Variants in ZNF827 observed in about 807,000 individuals in gnomAD.
ZNF827 encodes the protein zinc finger protein 827.
Under a neutral mutation model 102.4 loss-of-function variants are expected in ZNF827, and 13 were observed. The observed-to-expected ratio is 0.13, with a 90% confidence interval of 0.08 to 0.20. ZNF827 has a LOEUF of 0.20. ZNF827 is among the 10% of genes least tolerant of loss of function. The pLI, the probability that ZNF827 is intolerant of heterozygous loss-of-function variation, is 1.00. For missense variants in ZNF827, 1,103 were observed against 1,344.4 expected, an observed-to-expected ratio of 0.82 and a Z score of 2.81; for synonymous variants, 523 against 536.2, an observed-to-expected ratio of 0.98 and a Z score of 0.34.
At chr4:145,839,960 C>T (rs540474205) in intron 7 of ZNF827, among the ~76,000 whole-genome samples, 1 of 152,184 alleles carries the variant, frequency 6.6e-6, no homozygotes, top group African/African-American at 2.4e-5. Context: ...GGAAGCATAT[C>T]GTTCCAATAT....
intron 2 of ZNF827, among the ~76,000 whole-genome samples, chr4:145,899,960 T>A (rs1051910055): frequency 6.6e-6 from 1 of 152,204 alleles, no homozygotes; most frequent in Non-Finnish European, 1.5e-5. Flanking sequence ...AGAAACGATT[T>A]CTTATAGATC....
intron 5 of ZNF827, among the ~76,000 whole-genome samples, chr4:145,868,042 T>C (rs1314205373): frequency 6.6e-6 from 1 of 152,222 alleles, no homozygotes; most frequent in Non-Finnish European, 1.5e-5. Context: ...AAGAGCACTG[T>C]TCTATCAGTG....
rs976615754 is a variant in ZNF827, at chr4:145,762,774, G to C, written c.*17+316C>G. Among the ~76,000 whole-genome samples the C allele has an allele frequency of 1.3e-5, 2 of 152,246 alleles. No homozygotes were observed. The highest frequency in any genetic ancestry group is 4.8e-5 in the African/African-American group (2 of 41,466). ...TGAGCCTCTCTTTTAGAAGCTGCCA[G>C]GCTGGAGTCAGTGGCTTATATGAGA... is the stretch of plus-strand genomic sequence containing the variant. On this transcript the variant is annotated intron_variant, in intron 14 of 14. Transcript: ENST00000508784. The surrounding 1 kb of genome is among the most constrained non-coding windows in gnomAD (Gnocchi z 4.9).
chr4:145,847,393 C>A (rs972924351), intron 6 of ZNF827, among the ~76,000 whole-genome samples: 2 of 152,114 alleles, frequency 1.3e-5, no homozygotes, highest in African/African-American at 4.8e-5. Context: ...GCAACTGTTC[C>A]GCCTCTGACT....
chr4:145,934,053 G>C (rs1391650904), intron 1 of ZNF827, among the ~76,000 whole-genome samples: 2 of 152,078 alleles, frequency 1.3e-5, no homozygotes, highest in African/African-American at 4.8e-5. Flanking sequence ...TATAGTATTG[G>C]ACCTTGTTAA....
intron 4 of ZNF827, among the ~76,000 whole-genome samples, chr4:145,875,217 G>A (rs1287767269): frequency 6.6e-6 from 1 of 152,128 alleles, no homozygotes; most frequent in African/African-American, 2.4e-5. Flanking sequence ...TAGCTCTTGA[G>A]TAATTACATA....
At chr4:145,811,432 G>C (rs1741997922) in intron 8 of ZNF827, among the ~76,000 whole-genome samples, 1 of 152,196 alleles carries the variant, frequency 6.6e-6, no homozygotes, top group African/African-American at 2.4e-5. Context: ...AGGAAGCTAA[G>C]GACAGAAATG....
intron 4 of ZNF827, among the ~76,000 whole-genome samples, chr4:145,880,585 GAA>G (rs1749576747): frequency 2.0e-5 from 3 of 152,090 alleles, no homozygotes; most frequent in Admixed American, 6.5e-5. Flanking sequence ...TGAAAAATAA[GAA>G]AGAGTCACAC....
intron 2 of ZNF827, among the ~76,000 whole-genome samples, chr4:145,898,903 AC>A (rs2126874249): frequency 6.6e-6 from 1 of 152,342 alleles, no homozygotes; most frequent in South Asian, 2.1e-4. Flanking sequence ...CTTTTCTAGC[AC>A]ATATCTCTTT....
At chr4:145,806,197 G>C (rs1370125908) in intron 8 of ZNF827, among the ~76,000 whole-genome samples, 2 of 146,962 alleles carry the variant, frequency 1.4e-5, no homozygotes, top group Non-Finnish European at 3.0e-5. Context: ...TGTTGCCCAG[G>C]CTGGAGTGCA....
chr4:145,924,897 T>C (rs956987473), intron 1 of ZNF827, among the ~76,000 whole-genome samples: 5 of 152,234 alleles, frequency 3.3e-5, no homozygotes, highest in African/African-American at 1.2e-4. Context: ...TGGTTTATTT[T>C]GCCCTGTTTT....
chr4:145,854,541 T>C (rs1233068153), intron 5 of ZNF827, among the ~76,000 whole-genome samples: 1 of 152,134 alleles, frequency 6.6e-6, no homozygotes, highest in Non-Finnish European at 1.5e-5. Context: ...CTTCTTGCCC[T>C]TGGGTTCTTC....
intron 4 of ZNF827, among the ~76,000 whole-genome samples, chr4:145,877,237 C>T (rs1749222013): frequency 6.6e-6 from 1 of 152,180 alleles, no homozygotes; most frequent in Non-Finnish European, 1.5e-5. Context: ...GCTTAACTCT[C>T]CAGATCACAA....
rs532859222 is a variant in ZNF827 at position 145,902,138 on chromosome 4, A to C, written c.1093+28T>G. 49 of 1,559,046 alleles carry C rather than the reference A, an allele frequency of 3.1e-5. No homozygotes were observed. Among genetic ancestry groups the C allele is most frequent in the Admixed American group, 4.0e-5 (2 of 50,082 alleles). ...GCAGTTTATAGTCTAAAGGACTTAC[A>C]CGATGATTGAAAGAAAAGATGCCAT... is the stretch of plus-strand genomic sequence containing the variant. On this transcript the variant is annotated intron_variant, in intron 2 of 14. Transcript: ENST00000508784. This position sits in a 1 kb window ranked among gnomAD's most constrained non-coding sequence, Gnocchi z 4.3.
Position 145,779,359 on chromosome 4 carries a change from G to GCCCT in ZNF827, c.2521+11_2521+14dup, listed in dbSNP as rs745672014. Reference sequence around the variant, plus strand: ...GGAGCATAGAGGGCTGACAGCCCAGGCCCTACTCACTCACCTGTGTGCAGC... The same window carrying GCCCT: ...GGAGCATAGAGGGCTGACAGCCCAGGCCCTCCCTACTCACTCACCTGTGTGCAGC... On this transcript the variant is annotated intron_variant, in intron 9 of 14. Transcript: ENST00000508784. 15 of 1,613,192 alleles carry GCCCT rather than the reference G, an allele frequency of 9.3e-6. No individual in the cohort carries two copies. In the South Asian group the frequency reaches 1.6e-4, roughly 18 times the overall value.
At chr4:145,830,455 C>G (rs927168498) in intron 7 of ZNF827, 2 of 151,964 alleles carry the variant, frequency 1.3e-5, no homozygotes, top group African/African-American at 4.8e-5. Flanking sequence ...AAGGTCACAA[C>G]TGAAAAACAA....
chr4:145,881,240 A>G (rs1749635260), intron 4 of ZNF827, among the ~76,000 whole-genome samples: 1 of 152,254 alleles, frequency 6.6e-6, no homozygotes, highest in African/African-American at 2.4e-5. Flanking sequence ...GAAACAGTTT[A>G]GCTTATATCC....
rs1476041247 is a variant in ZNF827 at position 145,831,045 on chromosome 4, T to C, written c.2280-7520A>G. Reference sequence around the variant, plus strand: ...AATCTATAATGAAAGAAAACACTTTTAATGGTACGCATGAACATTGCCCTT... The same window carrying C: ...AATCTATAATGAAAGAAAACACTTTCAATGGTACGCATGAACATTGCCCTT... On this transcript the variant is annotated intron_variant, in intron 7 of 14. Transcript: ENST00000508784. 3 of 152,254 alleles carry C rather than the reference T, an allele frequency of 2.0e-5. No homozygotes were observed. In the East Asian group the frequency reaches 5.8e-4, roughly 29 times the overall value. 9.4% of individuals were successfully genotyped at this position (152,254 alleles called of 1,614,324 possible). A position where few individuals can be genotyped will look rare whatever the true frequency, so the allele number is the denominator to read the frequency against.
At chr4:145,915,721 T>C (rs893870505) in intron 1 of ZNF827, among the ~76,000 whole-genome samples, 1 of 152,168 alleles carries the variant, frequency 6.6e-6, no homozygotes, top group African/African-American at 2.4e-5. Context: ...TCTTTCATCA[T>C]CAACTCAAAA....
Sources: allele counts gnomAD v4.1 joint callset (sites outside exome capture counted in the v4.1 genomes callset), GRCh38; gene constraint gnomAD v4.1.1; non-coding constraint Gnocchi (gnomAD v3.1); transcripts MANE v1.5; gene names NCBI Gene and HGNC (gene_info 2026-07-23, HGNC 2026-07-21).